DPP6: variants seen among roughly 807,000 people sequenced by gnomAD.
DPP6 encodes the protein dipeptidyl peptidase like 6, also known as A-type potassium channel modulatory protein DPP6.
In DPP6, 69 loss-of-function variants were observed where a neutral mutation model predicts 122.6. The ratio of observed to expected loss-of-function variants is 0.56; its 90% confidence interval spans 0.46 to 0.69. The LOEUF is 0.69. DPP6 is among the 30% of genes least tolerant of loss of function. DPP6 has a pLI of 0.00. For missense variants in DPP6, 928 were observed against 1,116.9 expected, an observed-to-expected ratio of 0.83 and a Z score of 2.41; for synonymous variants, 418 against 433.1, an observed-to-expected ratio of 0.97 and a Z score of 0.43.
chr7:154,099,342 C>T (rs1301538817), intron 1 of DPP6, among the ~76,000 whole-genome samples: 2 of 151,898 alleles, frequency 1.3e-5, no homozygotes, highest in Non-Finnish European at 2.9e-5. Flanking sequence ...CAGTGAGCAA[C>T]AAAAAACCTT....
At chr7:154,542,129 C>T (rs117690032) in intron 4 of DPP6, among the ~76,000 whole-genome samples, 2,125 of 152,186 alleles carry the variant, frequency 0.014, 26 homozygotes, top group South Asian at 0.024. Flanking sequence ...AGACTGCAGG[C>T]GTAAGGGAGG....
chr7:153,801,526 A>C, the DPP6 span, among the ~76,000 whole-genome samples: 1 of 152,130 alleles, frequency 6.6e-6, no homozygotes, highest in Non-Finnish European at 1.5e-5. Flanking sequence ...CAAGAGGGAA[A>C]TCCTCAGAGT....
intron 1 of DPP6, among the ~76,000 whole-genome samples, chr7:154,219,149 C>A (rs1342700488): frequency 6.6e-6 from 1 of 152,188 alleles, no homozygotes; most frequent in Admixed American, 6.5e-5. Context: ...TATAAATTCT[C>A]AGTTTAGCAT....
intron 1 of DPP6, among the ~76,000 whole-genome samples, chr7:154,313,685 G>GTGTGTGTGTGTGTGTATA: frequency 7.3e-4 from 15 of 20,468 alleles, no homozygotes; most frequent in Non-Finnish European, 1.1e-3. Context: ...TTAAGATATG[G>GTGTGTGTGTGTGTGTATA]TATATATATA....
At chr7:154,105,393 G>T (rs892898161) in intron 1 of DPP6, among the ~76,000 whole-genome samples, 38 of 152,228 alleles carry the variant, frequency 2.5e-4, no homozygotes, top group Admixed American at 1.2e-3. Flanking sequence ...TGCTCACTGC[G>T]GAGCCTGTGT....
intron 1 of DPP6, among the ~76,000 whole-genome samples, chr7:154,159,973 G>T (rs566274628): frequency 6.6e-6 from 1 of 152,298 alleles, no homozygotes; most frequent in Non-Finnish European, 1.5e-5. Flanking sequence ...GCTGGGTATG[G>T]TGGCACATGC....
intron 22 of DPP6, among the ~76,000 whole-genome samples, chr7:154,886,153 G>T (rs867678897): frequency 1.3e-5 from 2 of 152,218 alleles, no homozygotes. Context: ...CTGGGCATGG[G>T]TATTTGGTGC....
At chr7:154,827,919 C>T (rs963124245) in intron 16 of DPP6, among the ~76,000 whole-genome samples, 1 of 152,076 alleles carries the variant, frequency 6.6e-6, no homozygotes, top group Non-Finnish European at 1.5e-5. Context: ...AGATGAAAAC[C>T]CAGTTTCTCC....
chr7:154,374,494 G>A (rs7790505), intron 1 of DPP6, among the ~76,000 whole-genome samples: 19,421 of 152,018 alleles, frequency 0.13, 1,633 homozygotes, highest in African/African-American at 0.24. Context: ...TGCATTCCCC[G>A]ATGGCAACCG....
At chr7:154,519,103 G>A (rs1362712834) in intron 3 of DPP6, among the ~76,000 whole-genome samples, 3 of 152,190 alleles carry the variant, frequency 2.0e-5, no homozygotes, top group African/African-American at 7.2e-5. Flanking sequence ...GCAGCTTTCA[G>A]ATGATGGGTT....
chr7:153,981,341 C>T lies in DPP6; in HGVS notation c.51+93607C>T, dbSNP rs181767199. 5.4e-3 allele frequency among the ~76,000 whole-genome samples: 823 copies of T among 152,216 alleles called. 4 individuals carry two copies. Among genetic ancestry groups the T allele is most frequent in the African/African-American group, 0.019 (774 of 41,544 alleles). ...TTTTTGACTTTTATTGGTTTAAAGTCTGTTTTATCAGAGACTACTGCAAGC... is the reference window on the plus strand; with the variant it reads ...TTTTTGACTTTTATTGGTTTAAAGTTTGTTTTATCAGAGACTACTGCAAGC... On this transcript the variant is annotated intron_variant, in intron 1 of 25. Transcript: ENST00000404039.
rs530556892 is a variant in DPP6, at chr7:154,421,003, A to T, written c.244-25211A>T. 5.9e-5 allele frequency among the ~76,000 whole-genome samples: 9 copies of T among 152,304 alleles called. No individual in the cohort carries two copies. In the East Asian group the frequency reaches 1.7e-3, roughly 29 times the overall value. On this transcript the variant is annotated intron_variant, in intron 1 of 25. Transcript: ENST00000377770. ...AAAACTTTAAAAAATAAAAATAATA[A>T]AATAAGGCAAAGTTTAAAAAAAAAT...
intron 1 of DPP6, among the ~76,000 whole-genome samples, chr7:154,249,462 C>A (rs1308713181): frequency 6.6e-6 from 1 of 152,204 alleles, no homozygotes; most frequent in Non-Finnish European, 1.5e-5. Flanking sequence ...ATTACTCTTG[C>A]AAACATCCGG....
chr7:154,728,828 T>G (rs1031871502), intron 8 of DPP6, among the ~76,000 whole-genome samples: 1 of 152,206 alleles, frequency 6.6e-6, no homozygotes, highest in Admixed American at 6.5e-5. Flanking sequence ...TCTTTTTATC[T>G]CTTTATAAGG....
intron 3 of DPP6, among the ~76,000 whole-genome samples, chr7:154,525,621 A>C (rs6972981): frequency 0.41 from 62,322 of 152,130 alleles, 13,010 homozygotes; most frequent in African/African-American, 0.43. Flanking sequence ...TAACTGTCAT[A>C]TGATTATCAG....
intron 1 of DPP6, among the ~76,000 whole-genome samples, chr7:154,336,290 G>A (rs935135436): frequency 6.6e-6 from 1 of 152,176 alleles, no homozygotes; most frequent in Non-Finnish European, 1.5e-5. Flanking sequence ...ACTGCAGGCA[G>A]AAGATGCACG....
intron 6 of DPP6, among the ~76,000 whole-genome samples, chr7:154,657,990 T>C (rs555755898): frequency 6.6e-5 from 10 of 152,294 alleles, no homozygotes; most frequent in Non-Finnish European, 1.0e-4. Context: ...GGCAGACTTA[T>C]GGGGGCCTTA....
chr7:154,651,619 C>T (rs574265629), intron 6 of DPP6, among the ~76,000 whole-genome samples: 2 of 152,278 alleles, frequency 1.3e-5, no homozygotes, highest in South Asian at 4.1e-4. Flanking sequence ...ATTAGCATGG[C>T]TGAGGATCGG....
At chr7:154,364,954 G>T (rs1432710382) in intron 1 of DPP6, among the ~76,000 whole-genome samples, 1 of 152,152 alleles carries the variant, frequency 6.6e-6, no homozygotes, top group African/African-American at 2.4e-5. Context: ...CTTTCTATTA[G>T]ATTTTTGCCC....
Sources: allele counts gnomAD v4.1 joint callset (sites outside exome capture counted in the v4.1 genomes callset), GRCh38; gene constraint gnomAD v4.1.1; transcripts MANE v1.5; gene names NCBI Gene and HGNC (gene_info 2026-07-23, HGNC 2026-07-21).